STT3B: variants seen among roughly 807,000 people sequenced by gnomAD.
STT3B encodes dolichyl-diphosphooligosaccharide--protein glycosyltransferase subunit STT3B.
A neutral mutation model predicts 96.8 loss-of-function variants in STT3B; 29 were observed. That is an observed-to-expected ratio of 0.30 (90% confidence interval 0.22 to 0.41). The LOEUF is 0.41. Ranked by LOEUF, STT3B falls within the 10% of genes least tolerant of loss-of-function variation. STT3B has a pLI of 1.00. For synonymous variants in STT3B, 367 were observed against 360.0 expected, an observed-to-expected ratio of 1.02 and a Z score of -0.22; for missense variants, 640 against 1,022.3, an observed-to-expected ratio of 0.63 and a Z score of 5.10.
intron 3 of STT3B, among the ~76,000 whole-genome samples, chr3:31,595,771 T>C (rs1698776830): frequency 6.6e-6 from 1 of 152,200 alleles, no homozygotes; most frequent in South Asian, 2.1e-4. Context: ...CTATACTTCT[T>C]CCATCTGTGC....
At position 31,571,007 on chromosome 3, in the gene STT3B, G is replaced by C. The variant is rs1575419315; in HGVS notation, c.315-5389G>C. ...ATTCTTGCTGTAACTGGGCAGTCCA[G>C]GCCCAACAGGAACAGACACTGAAGC... On this transcript the variant is annotated intron_variant, in intron 1 of 15. Coordinates refer to ENST00000295770, the MANE Select transcript of STT3B (RefSeq NM_178862.3). Among the ~76,000 whole-genome samples the C allele has an allele frequency of 3.9e-5, 6 of 152,216 alleles. 1 individual carries two copies. In the East Asian group the frequency reaches 1.2e-3, roughly 29 times the overall value.
chr3:31,566,420 G>T lies in STT3B; in HGVS notation c.315-9976G>T, dbSNP rs202122358. On this transcript the variant is annotated intron_variant, in intron 1 of 15. Coordinates refer to ENST00000295770, the MANE Select transcript of STT3B (RefSeq NM_178862.3). ...GTGTAGTGTCCTGCCGCAAAGGAGT[G>T]TGTATGTGTGTGATGATTAAATGAA... is the stretch of plus-strand genomic sequence containing the variant. Among the ~76,000 whole-genome samples the T allele has an allele frequency of 3.5e-4, 53 of 152,252 alleles. 1 individual carries two copies. The East Asian group carries it at 9.8e-3, about 28-fold the overall frequency.
chr3:31,633,740 T>G (rs1391725763), intron 15 of STT3B, among the ~76,000 whole-genome samples: 1 of 152,146 alleles, frequency 6.6e-6, no homozygotes, highest in Non-Finnish European at 1.5e-5. Flanking sequence ...TTAAGCCAAA[T>G]AGATTATAAT....
intron 13 of STT3B, among the ~76,000 whole-genome samples, chr3:31,628,659 AC>A (rs1699586923): frequency 1.3e-5 from 2 of 152,170 alleles, no homozygotes; most frequent in Admixed American, 1.3e-4. Context: ...AGTCTTTTTA[AC>A]ATTGTCCTCC....
intron 15 of STT3B, among the ~76,000 whole-genome samples, chr3:31,634,759 A>T (rs1048123174): frequency 1.3e-5 from 2 of 152,136 alleles, no homozygotes; most frequent in Admixed American, 1.3e-4. Flanking sequence ...GCTATTACAC[A>T]CTTGGATATT....
At chr3:31,613,134 G>T (rs11708385) in intron 5 of STT3B, among the ~76,000 whole-genome samples, 8,088 of 152,118 alleles carry the variant, frequency 0.053, 296 homozygotes, top group South Asian at 0.085. Flanking sequence ...GACTATAGAG[G>T]GGTAGTGGTT....
At chr3:31,595,421 C>T (rs529398142) in intron 3 of STT3B, among the ~76,000 whole-genome samples, 1 of 152,248 alleles carries the variant, frequency 6.6e-6, no homozygotes, top group South Asian at 2.1e-4. Context: ...TTGTTTTCCC[C>T]TTTTCGTTAT....
At chr3:31,572,055 T>TTA (rs1698166155) in intron 1 of STT3B, among the ~76,000 whole-genome samples, 7 of 137,718 alleles carry the variant, frequency 5.1e-5, no homozygotes, top group African/African-American at 1.4e-4. Flanking sequence ...TAATATATCA[T>TTA]ATATTAATAT....
chr3:31,612,546 A>T (rs9854442), intron 5 of STT3B, among the ~76,000 whole-genome samples: 1 of 151,904 alleles, frequency 6.6e-6, no homozygotes. Context: ...TTAAAGTCCC[A>T]CCTGGGCTTT....
rs1489064769 is a variant in STT3B, at chr3:31,629,217, A to G, written c.2074-81A>G. On this transcript the variant is annotated intron_variant, in intron 13 of 15. Transcript: ENST00000295770. ...AAAGATACCTCAGAAGCTTATTCTTACAGGGAAATGAAAAGAGGAAACTGT... is the reference window on the plus strand; with the variant it reads ...AAAGATACCTCAGAAGCTTATTCTTGCAGGGAAATGAAAAGAGGAAACTGT... 2.6e-5 allele frequency: 21 copies of G among 795,240 alleles called. No homozygotes were observed. In the African/African-American group the frequency reaches 3.0e-4, roughly 11 times the overall value. 49.3% of individuals were successfully genotyped at this position (795,240 alleles called of 1,614,324 possible). A position where few individuals can be genotyped will look rare whatever the true frequency, so the allele number is the denominator to read the frequency against.
intron 5 of STT3B, among the ~76,000 whole-genome samples, chr3:31,606,144 A>C (rs528244399): frequency 1.3e-5 from 2 of 152,342 alleles, no homozygotes; most frequent in Admixed American, 1.3e-4. Flanking sequence ...GGGTACTGTT[A>C]AAAAGCATTC....
At chr3:31,562,556 C>T (rs1443555811) in intron 1 of STT3B, among the ~76,000 whole-genome samples, 1 of 152,070 alleles carries the variant, frequency 6.6e-6, no homozygotes, top group Non-Finnish European at 1.5e-5. Context: ...GTGGAATGCT[C>T]AGGAGGGGCC....
At chr3:31,547,847 T>G (rs574850116) in intron 1 of STT3B, among the ~76,000 whole-genome samples, 2 of 152,344 alleles carry the variant, frequency 1.3e-5, no homozygotes, top group East Asian at 3.9e-4. Flanking sequence ...TTCTGATCCT[T>G]AAAATTCTAT....
chr3:31,629,722 A>C (rs1423789645), intron 14 of STT3B, among the ~76,000 whole-genome samples: 1 of 152,200 alleles, frequency 6.6e-6, no homozygotes, highest in Non-Finnish European at 1.5e-5. Flanking sequence ...GAGTTCTCCT[A>C]GCTAGGAAAC....
intron 3 of STT3B, among the ~76,000 whole-genome samples, chr3:31,593,068 T>C (rs1698701064): frequency 1.3e-5 from 2 of 152,234 alleles, no homozygotes; most frequent in African/African-American, 2.4e-5. Flanking sequence ...CGTGCAATTA[T>C]TGTCTAGGTG....
intron 3 of STT3B, among the ~76,000 whole-genome samples, chr3:31,582,705 A>G (rs1055177349): frequency 2.0e-5 from 3 of 151,676 alleles, no homozygotes; most frequent in Non-Finnish European, 4.4e-5. Context: ...GTTTTCCCTT[A>G]GTACTACTTT....
At chr3:31,593,976 T>C (rs114449357) in intron 3 of STT3B, among the ~76,000 whole-genome samples, 3,519 of 152,246 alleles carry the variant, frequency 0.023, 130 homozygotes, top group African/African-American at 0.079. Context: ...TTTGCATGTC[T>C]TATAGTTTTG....
chr3:31,635,188 T>C (rs2125482092), intron 15 of STT3B, among the ~76,000 whole-genome samples: 1 of 152,286 alleles, frequency 6.6e-6, no homozygotes, highest in Middle Eastern at 3.4e-3. Context: ...GTGCATTAAA[T>C]TACTTAGTTT....
chr3:31,565,777 A>C lies in STT3B; in HGVS notation c.315-10619A>C, dbSNP rs140294474. On this transcript the variant is annotated intron_variant, in intron 1 of 15. Transcript: ENST00000295770. ...CAGTACTTAATAAAGGTTTCTGGCC[A>C]TGATTTTTTAAGACATACCTATACC... is the stretch of plus-strand genomic sequence containing the variant. Among the ~76,000 whole-genome samples the C allele has an allele frequency of 1.4e-3, 207 of 152,320 alleles. 3 individuals are homozygous for C. Among genetic ancestry groups the C allele is most frequent in the Admixed American group, 3.4e-3 (52 of 15,302 alleles).
Sources: allele counts gnomAD v4.1 joint callset (sites outside exome capture counted in the v4.1 genomes callset), GRCh38; gene constraint gnomAD v4.1.1; transcripts MANE v1.5; gene names NCBI Gene and HGNC (gene_info 2026-07-23, HGNC 2026-07-21).